CD6: variants seen among roughly 807,000 people sequenced by gnomAD.
CD6 encodes the protein CD6 molecule, also known as T-cell differentiation antigen CD6.
A neutral mutation model predicts 75.3 loss-of-function variants in CD6; 53 were observed. The ratio of observed to expected loss-of-function variants is 0.70; its 90% CI spans 0.56 to 0.88. The LOEUF (loss-of-function observed/expected upper bound fraction) is 0.88, where lower values mean the gene tolerates loss of function less well. CD6 is among the 40% of genes least tolerant of loss of function. The pLI is 0.00. For synonymous variants in CD6, 359 were observed against 381.5 expected, an observed-to-expected ratio of 0.94 and a Z score of 0.69; for missense variants, 770 against 897.1, an observed-to-expected ratio of 0.86 and a Z score of 1.81.
intron 1 of CD6, among the ~76,000 whole-genome samples, chr11:60,999,859 C>G: frequency 6.6e-6 from 1 of 151,834 alleles, no homozygotes; most frequent in East Asian, 1.9e-4. Context: ...TCAGCATGGC[C>G]AACATAGTGA....
At chr11:61,015,580 A>AG (rs1358990849) in intron 8 of CD6, 133 bp from the exon 9 acceptor site, 2 of 1,056,918 alleles carry the variant, frequency 1.9e-6, no homozygotes, top group Non-Finnish European at 2.8e-6. Context: ...CAGAAAAGAA[A>AG]GAAAAAAAAA....
Position 60,971,906 on chromosome 11 carries a change from C to T in CD6, c.41C>T (p.Ala14Val), listed in dbSNP as rs373508183. ...FFGITGLLTA[A>V]LSGHPSPAPP... ...GGGATCACTGGATTGCTGACGGCAG[C>T]CCTCTCAGGTAGGCCCCCTTCCCTC... The change falls in exon 1 of 13, where the codon GCC (alanine) becomes GTC (valine). Residue 14 changes from alanine to valine, a missense_variant. Ala to Val is a moderately conservative substitution (Grantham distance 64, BLOSUM62 0). Transcript: ENST00000313421. 2.5e-6 allele frequency: 4 copies of T among 1,613,742 alleles called. No homozygotes were observed. In the African/African-American group the frequency reaches 4.0e-5, roughly 16 times the overall value.
intron 1 of CD6, among the ~76,000 whole-genome samples, chr11:60,992,085 G>T (rs1451034186): frequency 6.6e-6 from 1 of 152,140 alleles, no homozygotes; most frequent in Non-Finnish European, 1.5e-5. Context: ...TTGCCTTGTT[G>T]CTTAAGCTGG....
intron 1 of CD6, among the ~76,000 whole-genome samples, chr11:60,988,303 T>G (rs146471039): frequency 5.9e-5 from 9 of 152,320 alleles, no homozygotes; most frequent in Non-Finnish European, 1.0e-4. Flanking sequence ...GAACCCATAT[T>G]TTTTTCCTGA....
chr11:60,993,945 T>G (rs752343143), intron 1 of CD6, among the ~76,000 whole-genome samples: 1 of 152,156 alleles, frequency 6.6e-6, no homozygotes, highest in African/African-American at 2.4e-5. Context: ...GTCCCAGCAA[T>G]TGAACGTACC....
At chr11:60,981,421 C>T (rs144919577) in intron 1 of CD6, among the ~76,000 whole-genome samples, 1 of 152,320 alleles carries the variant, frequency 6.6e-6, no homozygotes, top group African/African-American at 2.4e-5. Flanking sequence ...AGGAAAGGTC[C>T]GCCCTTCCCC....
chr11:60,977,845 A>G, intron 1 of CD6, among the ~76,000 whole-genome samples: 1 of 152,314 alleles, frequency 6.6e-6, no homozygotes, highest in African/African-American at 2.4e-5. Context: ...TTTTGAGAAG[A>G]AACTTTATAT....
chr11:61,000,099 C>G (rs1418582652), intron 1 of CD6, among the ~76,000 whole-genome samples: 3 of 151,848 alleles, frequency 2.0e-5, no homozygotes, highest in Non-Finnish European at 2.9e-5. Context: ...ATATAAAAAA[C>G]CAGCACATCA....
intron 1 of CD6, among the ~76,000 whole-genome samples, chr11:60,976,949 A>G (rs188018441): frequency 4.6e-4 from 70 of 152,278 alleles, no homozygotes; most frequent in Non-Finnish European, 9.3e-4. Flanking sequence ...TACATAAATA[A>G]TTTATGACAG....
chr11:60,996,243 C>T (rs144530369), intron 1 of CD6, among the ~76,000 whole-genome samples: 48 of 152,328 alleles, frequency 3.2e-4, no homozygotes, highest in Non-Finnish European at 4.6e-4. Flanking sequence ...AGATTTGTGA[C>T]GGGTGCTCGA....
At chr11:60,989,558 T>G (rs1186699145) in intron 1 of CD6, among the ~76,000 whole-genome samples, 1 of 152,188 alleles carries the variant, frequency 6.6e-6, no homozygotes, top group Non-Finnish European at 1.5e-5. Flanking sequence ...ACATCTGGCC[T>G]CCAGGCTGGA....
At chr11:60,980,925 G>A (rs536816633) in intron 1 of CD6, among the ~76,000 whole-genome samples, 1 of 152,302 alleles carries the variant, frequency 6.6e-6, no homozygotes, top group African/African-American at 2.4e-5. Flanking sequence ...GGGCCCGGCT[G>A]AGGGGAGGTG....
intron 1 of CD6, chr11:61,004,427 C>T (rs528387471): frequency 6.6e-6 from 1 of 152,216 alleles, no homozygotes; most frequent in South Asian, 2.1e-4. Flanking sequence ...AGAGTTTATG[C>T]TCTGAATTTG....
intron 1 of CD6, among the ~76,000 whole-genome samples, chr11:60,974,429 T>A (rs191528177): frequency 6.6e-6 from 1 of 152,214 alleles, no homozygotes; most frequent in South Asian, 2.1e-4. Context: ...GTATTTTTAG[T>A]AGAGACGTGG....
At chr11:61,001,316 C>T (rs973012271) in intron 1 of CD6, among the ~76,000 whole-genome samples, 1 of 150,764 alleles carries the variant, frequency 6.6e-6, no homozygotes, top group Non-Finnish European at 1.5e-5. Context: ...CGATTCTCTG[C>T]CTCAGCCTCC....
intron 1 of CD6, among the ~76,000 whole-genome samples, chr11:60,979,186 A>G (rs758372823): frequency 4.6e-5 from 7 of 152,182 alleles, no homozygotes; most frequent in Non-Finnish European, 8.8e-5. Context: ...CTATTCTAGC[A>G]TAGGGTTTCT....
chr11:61,008,568 C>G lies in CD6; in HGVS notation c.504C>G (p.Gly168=), dbSNP rs766098012. ...NRALRLVDGG[G]ACAGRVEMLE... is the part of the protein sequence containing the mutation. ...CGCTGCGCCTGGTGGACGGTGGCGG[C>G]GCCTGCGCCGGCCGCGTGGAGATGC... is the stretch of plus-strand genomic sequence containing the variant. Residue 168 remains glycine, a synonymous_variant, in exon 4 of 13, where the codon GGC becomes GGG. Transcript: ENST00000313421. 10 of 1,606,302 alleles carry G rather than the reference C, an allele frequency of 6.2e-6. No homozygotes were observed. Among genetic ancestry groups the G allele is most frequent in the African/African-American group, 5.3e-5 (4 of 74,842 alleles).
chr11:60,982,730 A>G (rs962389126), intron 1 of CD6: 17 of 455,916 alleles, frequency 3.7e-5, no homozygotes, highest in Non-Finnish European at 6.2e-5. Context: ...AACCCCAGCG[A>G]GCTGCCAGCC....
Position 61,020,222 on chromosome 11 carries a change from T to C in CD6, c.*904T>C. On this transcript the variant is annotated 3_prime_UTR_variant, in exon 13 of 13. Coordinates refer to ENST00000313421, the MANE Select transcript of CD6 (RefSeq NM_006725.5). ...GTCCCCATGTGTCTCCTTGAATTGATGAGGATGCTCCTGGGAGGGATGCGT... is the reference window on the plus strand; with the variant it reads ...GTCCCCATGTGTCTCCTTGAATTGACGAGGATGCTCCTGGGAGGGATGCGT... 1 of 398,812 alleles carries C rather than the reference T, an allele frequency of 2.5e-6. No homozygotes were observed. Among genetic ancestry groups the C allele is most frequent in the African/African-American group, 2.1e-5 (1 of 48,742 alleles). The allele number at this position is 398,812 out of a possible 1,614,324, so 24.7% of individuals were successfully genotyped here. A position where few individuals can be genotyped will look rare whatever the true frequency, so the allele number is the denominator to read the frequency against.
Sources: gnomAD v4.1 joint callset for allele counts (sites outside exome capture counted in the v4.1 genomes callset) on GRCh38, gnomAD v4.1.1 for gene constraint, MANE v1.5 for transcripts, NCBI Gene and HGNC (gene_info 2026-07-23, HGNC 2026-07-21) for gene names.